The following CDH23 variants were observed in gnomAD, a reference collection of about 807,000 sequenced individuals.
The protein encoded by CDH23 is cadherin-23.
A neutral mutation model predicts 317.1 loss-of-function variants in CDH23; 189 were observed. That is an observed-to-expected ratio of 0.60 (90% CI 0.53 to 0.67). The LOEUF (loss-of-function observed/expected upper bound fraction) is 0.67. Among genes scored for constraint, CDH23 ranks in the 30% least tolerant of loss-of-function variants. The pLI, the probability that CDH23 is intolerant of heterozygous loss-of-function variation, is 0.00. For synonymous variants in CDH23, 1,839 were observed against 1,876.8 expected (o/e 0.98, Z 0.52); for missense variants, 4,401 against 4,592.4 (o/e 0.96, Z 1.20).
intron 1 of CDH23, among the ~76,000 whole-genome samples, chr10:71,414,663 T>G (rs1288462446): frequency 6.6e-6 from 1 of 152,210 alleles, no homozygotes; most frequent in Non-Finnish European, 1.5e-5. Flanking sequence ...TTTTCTTTCT[T>G]GTAAAATCAT....
intron 38 of CDH23, among the ~76,000 whole-genome samples, chr10:71,759,818 TATACACACAC>T (rs1431165647): frequency 2.0e-5 from 1 of 50,784 alleles, no homozygotes; most frequent in East Asian, 5.1e-4. Context: ...TTTCAGAAAA[TATACACACAC>T]ACACACACAC....
intron 6 of CDH23, among the ~76,000 whole-genome samples, chr10:71,556,511 G>A (rs1219422590): frequency 1.3e-5 from 2 of 151,848 alleles, no homozygotes; most frequent in Non-Finnish European, 2.9e-5. Context: ...TGAGGCAGGA[G>A]AATTGCTTGA....
In CDH23 at chr10:71,570,934, C is replaced by T; in HGVS notation, c.753+16C>T. On this transcript the variant is annotated intron_variant, in intron 8 of 69. Coordinates refer to ENST00000224721, the MANE Select transcript of CDH23 (RefSeq NM_022124.6). ...TTCTCCTCCGGTAAGACTCCTGGCC[C>T]TTCCTTCTCAGAAGTCCCTTCTCAG... The T allele has an allele frequency of 6.2e-7, 1 of 1,613,246 alleles. No individual in the cohort carries two copies. The highest frequency in any genetic ancestry group is 8.5e-7 in the Non-Finnish European group (1 of 1,179,500).
At chr10:71,545,877 G>A (rs927363215) in intron 6 of CDH23, among the ~76,000 whole-genome samples, 1 of 152,200 alleles carries the variant, frequency 6.6e-6, no homozygotes, top group Admixed American at 6.5e-5. Context: ...AGAGGACAGA[G>A]TGATTGCAGA....
At chr10:71,564,852 C>T (rs574952115) in intron 6 of CDH23, among the ~76,000 whole-genome samples, 10 of 152,170 alleles carry the variant, frequency 6.6e-5, no homozygotes, top group African/African-American at 1.4e-4. Flanking sequence ...TTTTGATTAC[C>T]GAATCAAATA....
chr10:71,520,670 C>T lies in CDH23; in HGVS notation c.429+9458C>T, dbSNP rs542968797. 9.2e-5 allele frequency among the ~76,000 whole-genome samples: 14 copies of T among 152,350 alleles called. No individual in the cohort carries two copies. The South Asian group carries it at 2.5e-3, about 27-fold the overall frequency. ...CCCCAAACCCCATGAGCAGTAGGCCCGGACTGCCTTCTTGATGCAGGTCAC... is the reference window on the plus strand; with the variant it reads ...CCCCAAACCCCATGAGCAGTAGGCCTGGACTGCCTTCTTGATGCAGGTCAC... On this transcript the variant is annotated intron_variant, in intron 6 of 69. Transcript: ENST00000224721.
rs370087572 is a variant in CDH23, at chr10:71,810,562, G to A, written c.9070G>A (p.Val3024Met). ...CCGCGATACCAACCGCATCCTGGACGTGGACCGGTGAGTCGGGGCCTGTGT... is the reference window on the plus strand; with the variant it reads ...CCGCGATACCAACCGCATCCTGGACATGGACCGGTGAGTCGGGGCCTGTGT... ...VNRDTNRILD[V>M]DRVIQMIDEN... Residue 3024 changes from valine to methionine, a missense_variant, in exon 62 of 70, where the codon GTG becomes ATG. Transcript: ENST00000224721. 2.5e-5 allele frequency: 40 copies of A among 1,613,722 alleles called. No homozygotes were observed. Among genetic ancestry groups the A allele is most frequent in the Middle Eastern group, 1.6e-4 (1 of 6,084 alleles).
chr10:71,627,625 C>T (rs907418324), intron 11 of CDH23, among the ~76,000 whole-genome samples: 1 of 152,208 alleles, frequency 6.6e-6, no homozygotes, highest in African/African-American at 2.4e-5. Context: ...CCACCCCTCA[C>T]CTCCTCCACA....
chr10:71,707,129 G>C lies in CDH23; in HGVS notation c.3106+80G>C, dbSNP rs745875837. ...CCCTCCCAGATGGACAGCCAGACTA[G>C]GTGGGGGCAGGTGAGGGTGGAAAAG... On this transcript the variant is annotated intron_variant, in intron 26 of 69. Transcript: ENST00000224721. 2.6e-6 allele frequency: 4 copies of C among 1,553,642 alleles called. No homozygotes were observed. The South Asian group carries it at 4.7e-5, about 18-fold the overall frequency.
chr10:71,432,301 T>C, intron 1 of CDH23, among the ~76,000 whole-genome samples: 1 of 96,510 alleles, frequency 1.0e-5, no homozygotes, highest in East Asian at 3.3e-4. Flanking sequence ...TGTGTGTGAG[T>C]GTGTGAATGT....
At chr10:71,536,009 T>A (rs1208546894) in intron 6 of CDH23, among the ~76,000 whole-genome samples, 1 of 152,154 alleles carries the variant, frequency 6.6e-6, no homozygotes, top group Non-Finnish European at 1.5e-5. Flanking sequence ...GCCTCGGGGC[T>A]GGTTGCCCGA....
chr10:71,426,878 G>C, intron 1 of CDH23, among the ~76,000 whole-genome samples: 1 of 152,064 alleles, frequency 6.6e-6, no homozygotes, highest in Non-Finnish European at 1.5e-5. Flanking sequence ...GGGCGCAGTG[G>C]CTCACACCTG....
chr10:71,650,312 C>A (rs181421756), intron 14 of CDH23, among the ~76,000 whole-genome samples: 2 of 152,316 alleles, frequency 1.3e-5, no homozygotes, highest in East Asian at 3.9e-4. Flanking sequence ...CAGCCCAGAG[C>A]TGTCTCTGTG....
chr10:71,637,931 A>T (rs971052157), intron 11 of CDH23, among the ~76,000 whole-genome samples: 1 of 144,720 alleles, frequency 6.9e-6, no homozygotes, highest in Non-Finnish European at 1.5e-5. Context: ...TTCCTCTTCC[A>T]TGAAAAGGAA....
At chr10:71,709,417 A>T (rs2132752095) in intron 27 of CDH23, among the ~76,000 whole-genome samples, 1 of 152,332 alleles carries the variant, frequency 6.6e-6, no homozygotes, top group East Asian at 1.9e-4. Flanking sequence ...CTAGGATGGT[A>T]AGGTGGGAGC....
At chr10:71,800,971 A>G (rs1317731151) in intron 53 of CDH23, among the ~76,000 whole-genome samples, 1 of 152,186 alleles carries the variant, frequency 6.6e-6, no homozygotes, top group Non-Finnish European at 1.5e-5. Flanking sequence ...AATCTTTGCC[A>G]AACTGCTATT....
chr10:71,465,767 C>A (rs1445004447), intron 3 of CDH23, among the ~76,000 whole-genome samples: 2 of 152,218 alleles, frequency 1.3e-5, no homozygotes, highest in Non-Finnish European at 2.9e-5. Flanking sequence ...GGTAGCCGCG[C>A]TGAGTGACAG....
In CDH23 at chr10:71,760,312, C is replaced by CAT. The variant is rs1374136520; in HGVS notation, c.4846-17367_4846-17366insTA. Among the ~76,000 whole-genome samples, 23 of 108,450 alleles carry CAT rather than the reference C, an allele frequency of 2.1e-4. 4 individuals are homozygous for CAT. The highest frequency in any genetic ancestry group is 5.7e-4 in the South Asian group (2 of 3,538). The allele number at this position is 108,450 out of a possible 152,430, so 71.1% of individuals were successfully genotyped here. On this transcript the variant is annotated intron_variant, in intron 38 of 69. Coordinates refer to ENST00000224721, the MANE Select transcript of CDH23 (RefSeq NM_022124.6). The stretch of plus-strand genomic sequence containing the variant: ...ATGTGTATATATATGTATATACACA[C>CAT]ACATATATATATATATATATCCCTG...
intron 2 of CDH23, among the ~76,000 whole-genome samples, chr10:71,444,356 A>G (rs911629906): frequency 8.5e-5 from 13 of 152,270 alleles, no homozygotes; most frequent in African/African-American, 2.9e-4. Context: ...GTGGCTAGAA[A>G]GAGGCACAGG....
Sources: allele counts gnomAD v4.1 joint callset (sites outside exome capture counted in the v4.1 genomes callset), GRCh38; gene constraint gnomAD v4.1.1; transcripts MANE v1.5; gene names NCBI Gene and HGNC (gene_info 2026-07-23, HGNC 2026-07-21).